PKHD1: variants seen among roughly 807,000 people sequenced by gnomAD.
PKHD1 encodes PKHD1 ciliary IPT domain containing fibrocystin/polyductin.
A neutral mutation model predicts 412.0 loss-of-function variants in PKHD1; 291 were observed. That is an observed-to-expected ratio of 0.71 (90% CI 0.64 to 0.78). The LOEUF is 0.78. Ranked by LOEUF, PKHD1 falls within the 30% of genes least tolerant of loss-of-function variation. PKHD1 has a pLI of 0.00. For missense variants in PKHD1, 4,825 were observed against 4,950.7 expected (o/e 0.97, Z 0.76); for synonymous variants, 1,777 against 1,821.5 (o/e 0.98, Z 0.62).
chr6:52,001,275 TAAC>T (rs1169128816), intron 35 of PKHD1, among the ~76,000 whole-genome samples: 5 of 152,260 alleles, frequency 3.3e-5, no homozygotes, highest in South Asian at 2.1e-4. Context: ...TTAATAATAA[TAAC>T]AATACATTAA....
chr6:51,639,046 A>T (rs1768983036), intron 63 of PKHD1, 90 bp from the exon 64 acceptor site: 1 of 967,376 alleles, frequency 1.0e-6, no homozygotes, highest in Non-Finnish European at 1.7e-6. Flanking sequence ...ACATTTGGAC[A>T]ATAAAGGACA....
chr6:51,838,046 G>C (rs1358143288), intron 50 of PKHD1, among the ~76,000 whole-genome samples: 1 of 152,132 alleles, frequency 6.6e-6, no homozygotes, highest in Non-Finnish European at 1.5e-5. Flanking sequence ...CAGTCAAGGT[G>C]TCATTTCCTT....
intron 60 of PKHD1, among the ~76,000 whole-genome samples, chr6:51,674,300 T>A (rs1164461028): frequency 1.3e-5 from 2 of 152,128 alleles, no homozygotes; most frequent in African/African-American, 2.4e-5. Context: ...ACGAGTGTGG[T>A]GCTTGGAAGT....
rs535563982 is a variant in PKHD1, at chr6:51,716,204, G to A, written c.10156+28181C>T. On this transcript the variant is annotated intron_variant, in intron 60 of 66. Coordinates refer to ENST00000371117, the MANE Select transcript of PKHD1 (RefSeq NM_138694.4). ...AGAAGACCAAAAGCTAGAATGTTCT[G>A]TGAATAAGGCTGGCTTTGCCTAGAT... Among the ~76,000 whole-genome samples, 11 of 152,296 alleles carry A rather than the reference G, an allele frequency of 7.2e-5. No homozygotes were observed. In the South Asian group the frequency reaches 2.3e-3, roughly 32 times the overall value.
chr6:52,012,794 C>T (rs1413789384), intron 34 of PKHD1, among the ~76,000 whole-genome samples: 2 of 152,194 alleles, frequency 1.3e-5, no homozygotes, highest in African/African-American at 2.4e-5. Context: ...TCATAAGTCA[C>T]TTATAAACCT....
intron 34 of PKHD1, among the ~76,000 whole-genome samples, 173 bp from the exon 35 acceptor site, chr6:52,010,632 T>C (rs1799686771): frequency 6.6e-6 from 1 of 152,230 alleles, no homozygotes; most frequent in South Asian, 2.1e-4. Flanking sequence ...TTATTTGTTT[T>C]TCCTTTTATC....
chr6:52,056,641 T>C lies in PKHD1; in HGVS notation c.1693+57A>G. On this transcript the variant is annotated intron_variant, in intron 18 of 66. Transcript: ENST00000371117. The stretch of plus-strand genomic sequence containing the variant: ...GGAAATGGGGATTGTTCTCATTTTA[T>C]AGAAAGAAAGAAGACCATGATGAAA... 7 of 1,246,162 alleles carry C rather than the reference T, an allele frequency of 5.6e-6. No individual in the cohort carries two copies. In the South Asian group the frequency reaches 7.2e-5, roughly 13 times the overall value. 77.2% of individuals were successfully genotyped at this position (1,246,162 alleles called of 1,614,324 possible). A position where few individuals can be genotyped will look rare whatever the true frequency, so the allele number is the denominator to read the frequency against.
At chr6:51,905,330 C>T (rs370765796) in intron 41 of PKHD1, among the ~76,000 whole-genome samples, 233 of 152,052 alleles carry the variant, frequency 1.5e-3, no homozygotes, top group Non-Finnish European at 2.3e-3. Flanking sequence ...TCAAGAAATC[C>T]GGTGGTATAA....
intron 47 of PKHD1, among the ~76,000 whole-genome samples, chr6:51,868,778 T>G (rs1019517492): frequency 6.6e-6 from 1 of 152,072 alleles, no homozygotes; most frequent in African/African-American, 2.4e-5. Flanking sequence ...CTTGGGCAAA[T>G]AGTATTAGTA....
chr6:52,008,898 C>T (rs1394460681), intron 35 of PKHD1, among the ~76,000 whole-genome samples: 5 of 152,138 alleles, frequency 3.3e-5, no homozygotes, highest in African/African-American at 1.2e-4. Context: ...GTCAGCCTGC[C>T]TCTCCCTCTT....
intron 60 of PKHD1, among the ~76,000 whole-genome samples, chr6:51,669,912 T>C (rs1394956408): frequency 9.0e-5 from 13 of 144,852 alleles, no homozygotes; most frequent in Admixed American, 2.8e-4. Flanking sequence ...GTCTGAGAGA[T>C]AGTTTGTTAT....
chr6:51,687,723 C>A (rs910568409), intron 60 of PKHD1, among the ~76,000 whole-genome samples: 1 of 152,140 alleles, frequency 6.6e-6, no homozygotes, highest in Non-Finnish European at 1.5e-5. Flanking sequence ...ACATCTGTGT[C>A]TAATGTTCTT....
intron 27 of PKHD1, among the ~76,000 whole-genome samples, chr6:52,036,605 A>G (rs1315790350): frequency 6.6e-6 from 1 of 152,240 alleles, no homozygotes; most frequent in Non-Finnish European, 1.5e-5. Flanking sequence ...AGGGGAATCT[A>G]CAAAATCTGA....
chr6:51,672,490 C>T (rs759880704), intron 60 of PKHD1, among the ~76,000 whole-genome samples: 6 of 152,086 alleles, frequency 3.9e-5, no homozygotes, highest in East Asian at 1.9e-4. Context: ...TTGCAAGGGG[C>T]GCATGTAAGT....
At position 51,659,797 on chromosome 6, in the gene PKHD1, A is replaced by G. The variant is rs1429235171; in HGVS notation, c.10329T>C (p.Ser3443=). 1.2e-6 allele frequency: 2 copies of G among 1,613,658 alleles called. No homozygotes were observed. Among genetic ancestry groups the G allele is most frequent in the South Asian group, 2.2e-5 (2 of 91,072 alleles). Residue 3443 remains serine (S), a synonymous_variant, in exon 61 of 67, where the codon AGT becomes AGC. Transcript: ENST00000371117. ...VTSGFVDVFS[S]VNANIPCSTS... is the part of the protein sequence containing the mutation. ...TAGAGCAGGGAATATTGGCATTTAC[A>G]CTGCTAAAGACATCAACAAAACCAC...
chr6:52,030,136 C>T (rs945329050), intron 29 of PKHD1, among the ~76,000 whole-genome samples: 3 of 152,012 alleles, frequency 2.0e-5, no homozygotes, highest in African/African-American at 4.8e-5. Flanking sequence ...TGGGATGCCA[C>T]GGCCAATTAG....
Position 51,659,260 on chromosome 6 carries a change from G to A in PKHD1, c.10866C>T (p.Cys3622=), listed in dbSNP as rs562381413. 2.5e-6 allele frequency: 4 copies of A among 1,613,798 alleles called. No homozygotes were observed. The Admixed American group carries it at 6.7e-5, about 27-fold the overall frequency. The change falls in exon 61 of 67, where the codon TGC becomes TGT. Residue 3622 remains cysteine, a synonymous_variant. Transcript: ENST00000371117. ...AATGACTAGTGCAAGTCACAGTAGG[G>A]CAATTGCGCTTTCTTTTTGCTCTAC... The part of the protein sequence containing the change: ...ADSRAKRKRN[C]PTVTCTSHYR...
intron 60 of PKHD1, among the ~76,000 whole-genome samples, chr6:51,693,303 T>G (rs1287879415): frequency 1.3e-5 from 2 of 152,238 alleles, no homozygotes; most frequent in African/African-American, 2.4e-5. Context: ...TGCCTCCATG[T>G]GAACCATATA....
intron 43 of PKHD1, among the ~76,000 whole-genome samples, chr6:51,901,584 T>C (rs111310135): frequency 6.6e-6 from 1 of 151,218 alleles, no homozygotes; most frequent in South Asian, 2.1e-4. Context: ...GACAAGTTAG[T>C]GGGTACAGCG....
Sources: allele counts gnomAD v4.1 joint callset (sites outside exome capture counted in the v4.1 genomes callset), GRCh38; gene constraint gnomAD v4.1.1; transcripts MANE v1.5; gene names NCBI Gene and HGNC (gene_info 2026-07-23, HGNC 2026-07-21).